The following WDR59 variants were observed in gnomAD, a reference collection of about 807,000 sequenced individuals.
WDR59 encodes WD repeat domain 59, also known as GATOR2 complex protein WDR59.
Under a neutral mutation model 131.2 loss-of-function variants are expected in WDR59, and 100 were observed. The observed-to-expected ratio is 0.76, with a 90% CI of 0.65 to 0.90. The LOEUF (loss-of-function observed/expected upper bound fraction) is 0.90, where lower values mean the gene tolerates loss of function less well. Ranked by LOEUF, WDR59 falls within the 40% of genes least tolerant of loss-of-function variation. The probability of loss-of-function intolerance (pLI) is 0.00; values close to 1 mark genes in which losing one functional copy is unlikely to be tolerated. For synonymous variants in WDR59, 601 were observed against 466.2 expected, an observed-to-expected ratio of 1.29 and a Z score of -3.72; for missense variants, 1,203 against 1,262.2, an observed-to-expected ratio of 0.95 and a Z score of 0.71.
chr16:74,959,412 C>T, intron 2 of WDR59: 4 of 361,860 alleles, frequency 1.1e-5, no homozygotes, highest in Non-Finnish European at 2.2e-5. Context: ...GCATTAGCAG[C>T]CAACGATCTC....
intron 1 of WDR59, among the ~76,000 whole-genome samples, chr16:74,969,988 A>G (rs984668724): frequency 6.6e-6 from 1 of 151,506 alleles, no homozygotes; most frequent in Non-Finnish European, 1.5e-5. Flanking sequence ...CAGTGGCTCA[A>G]TCTCAGCTCA....
intron 5 of WDR59, among the ~76,000 whole-genome samples, chr16:74,949,350 AAAAAG>A (rs1226594707): frequency 4.0e-4 from 59 of 148,848 alleles, no homozygotes; most frequent in African/African-American, 1.4e-3. Context: ...AAAAAAAAAA[AAAAAG>A]AAAGGAAAGA....
chr16:74,975,071 AG>A (rs1176384802), intron 1 of WDR59, among the ~76,000 whole-genome samples: 1 of 152,194 alleles, frequency 6.6e-6, no homozygotes, highest in African/African-American at 2.4e-5. Context: ...TTATGAATGA[AG>A]GAAGTCAGTC....
Position 74,974,354 on chromosome 16 carries a change from T to C in WDR59, c.55-8532A>G, listed in dbSNP as rs561138419. Among the ~76,000 whole-genome samples, 11 of 152,282 alleles carry C rather than the reference T, an allele frequency of 7.2e-5. No individual in the cohort carries two copies. In the East Asian group the frequency reaches 2.1e-3, roughly 29 times the overall value. On this transcript the variant is annotated intron_variant, in intron 1 of 25. Transcript: ENST00000262144. ...GAGGGCTATTTTGTCAGGCCAAGTGTGTTGCTTCCTTAGGCCAGTTTTCTA... is the reference window on the plus strand; with the variant it reads ...GAGGGCTATTTTGTCAGGCCAAGTGCGTTGCTTCCTTAGGCCAGTTTTCTA...
At chr16:74,905,712 A>T (rs1379729849) in intron 17 of WDR59, among the ~76,000 whole-genome samples, 1 of 151,096 alleles carries the variant, frequency 6.6e-6, no homozygotes, top group Non-Finnish European at 1.5e-5. Flanking sequence ...AAAAAATAAA[A>T]AAATAAAATA....
chr16:74,879,221 G>A lies in WDR59; in HGVS notation c.2690-4777C>T, dbSNP rs1964362673. 5.9e-5 allele frequency among the ~76,000 whole-genome samples: 9 copies of A among 152,214 alleles called. No individual in the cohort carries two copies. The South Asian group carries it at 1.9e-3, about 32-fold the overall frequency. On this transcript the variant is annotated intron_variant, in intron 25 of 25. Coordinates refer to ENST00000262144, the MANE Select transcript of WDR59 (RefSeq NM_030581.4). The stretch of plus-strand genomic sequence containing the variant: ...ATTTTTTTAAAAATTAGCCGGGCAT[G>A]ATGGTGTATGCCTGTGGTCCCAGCT...
intron 9 of WDR59, among the ~76,000 whole-genome samples, chr16:74,923,118 A>C (rs2145007865): frequency 6.6e-6 from 1 of 152,366 alleles, no homozygotes; most frequent in African/African-American, 2.4e-5. Context: ...TGTGAACTAC[A>C]GAATTGTATA....
chr16:74,950,016 C>A, intron 4 of WDR59: 1 of 593,070 alleles, frequency 1.7e-6, no homozygotes, highest in Non-Finnish European at 3.2e-6. Flanking sequence ...CATCTGCTCC[C>A]AGAAAAGAAA....
intron 25 of WDR59, among the ~76,000 whole-genome samples, chr16:74,876,770 C>T (rs1964235760): frequency 6.6e-6 from 1 of 152,084 alleles, no homozygotes. Flanking sequence ...AATGGCTCAG[C>T]GTATGAACCG....
At position 74,942,831 on chromosome 16, in the gene WDR59, A is replaced by G. The variant is rs1480892208; in HGVS notation, c.446-5T>C. ...ATTTGACCTGGGAGGCACCCGCTGCAAAGAAAAATCAGGGAAGAAAGCTGC... is the reference window on the plus strand; with the variant it reads ...ATTTGACCTGGGAGGCACCCGCTGCGAAGAAAAATCAGGGAAGAAAGCTGC... On this transcript the variant is annotated splice_region_variant and splice_polypyrimidine_tract_variant and intron_variant, in intron 6 of 25. Transcript: ENST00000262144. 6.2e-7 allele frequency: 1 copy of G among 1,613,332 alleles called. No individual in the cohort carries two copies. The highest frequency in any genetic ancestry group is 1.3e-5 in the African/African-American group (1 of 74,894).
At chr16:74,912,494 G>A in intron 13 of WDR59, 132 bp from the exon 14 acceptor site, 8 of 921,478 alleles carry the variant, frequency 8.7e-6, no homozygotes, top group Non-Finnish European at 1.2e-5. Flanking sequence ...ACAAATGTGT[G>A]TGGAAGACAA....
chr16:74,957,300 C>T (rs74485737), intron 2 of WDR59, among the ~76,000 whole-genome samples: 3 of 152,004 alleles, frequency 2.0e-5, no homozygotes, highest in Admixed American at 2.0e-4. Context: ...AGGCTGATCT[C>T]GAACTGCTGA....
At position 74,873,297 on chromosome 16, in the gene WDR59, T is replaced by G. The variant is rs1265095926; in HGVS notation, c.*912A>C. On this transcript the variant is annotated 3_prime_UTR_variant, in exon 26 of 26. Coordinates refer to ENST00000262144, the MANE Select transcript of WDR59 (RefSeq NM_030581.4). ...CTGAGCTCAGGTGATCCCCTCACTTTTGCCTTCTAAAGTGTGGGATTACAG... is the reference window on the plus strand; with the variant it reads ...CTGAGCTCAGGTGATCCCCTCACTTGTGCCTTCTAAAGTGTGGGATTACAG... The G allele has an allele frequency of 6.6e-6, 1 of 152,220 alleles. No homozygotes were observed. The highest frequency in any genetic ancestry group is 1.5e-5 in the Non-Finnish European group (1 of 68,092). 9.4% of individuals were successfully genotyped at this position (152,220 alleles called of 1,614,324 possible).
intron 14 of WDR59, among the ~76,000 whole-genome samples, chr16:74,911,513 T>C (rs559108448): frequency 1.3e-5 from 2 of 152,138 alleles, no homozygotes; most frequent in Non-Finnish European, 2.9e-5. Context: ...AAGAGGCTCA[T>C]GGGGCTTTGT....
intron 18 of WDR59, among the ~76,000 whole-genome samples, chr16:74,903,706 A>G (rs1412399540): frequency 6.6e-6 from 1 of 151,984 alleles, no homozygotes; most frequent in Non-Finnish European, 1.5e-5. Context: ...TTACAAGGAC[A>G]AGGCTAAATG....
At chr16:74,893,565 T>G in intron 19 of WDR59, 114 bp downstream of exon 19, 1 of 1,165,992 alleles carries the variant, frequency 8.6e-7, no homozygotes. Flanking sequence ...GCTAATACAT[T>G]GGGCTTTTCC....
chr16:74,892,037 T>G lies in WDR59; in HGVS notation c.2082+447A>C, dbSNP rs981086531. The stretch of plus-strand genomic sequence containing the variant: ...TTAAAAAAATACAGAGATAATTTGT[T>G]ATAATACACTGATATGTTGCTGCAA... On this transcript the variant is annotated intron_variant, in intron 20 of 25. Coordinates refer to ENST00000262144, the MANE Select transcript of WDR59 (RefSeq NM_030581.4). Among the ~76,000 whole-genome samples, 2 of 152,202 alleles carry G rather than the reference T, an allele frequency of 1.3e-5. 1 individual carries two copies. Among genetic ancestry groups the G allele is most frequent in the African/African-American group, 4.8e-5 (2 of 41,432 alleles).
intron 13 of WDR59, among the ~76,000 whole-genome samples, chr16:74,913,293 C>T (rs1324139981): frequency 2.0e-5 from 3 of 148,928 alleles, no homozygotes; most frequent in Non-Finnish European, 3.0e-5. Context: ...GAGACAGGGT[C>T]TCACTTTGTC....
At chr16:74,924,779 C>A (rs1406449712) in intron 8 of WDR59, among the ~76,000 whole-genome samples, 3 of 152,152 alleles carry the variant, frequency 2.0e-5, no homozygotes, top group South Asian at 2.1e-4. Flanking sequence ...CTCTGGAAAT[C>A]GCTATGGCAA....
Sources: gnomAD v4.1 joint callset for allele counts (sites outside exome capture counted in the v4.1 genomes callset) on GRCh38, gnomAD v4.1.1 for gene constraint, MANE v1.5 for transcripts, NCBI Gene and HGNC (gene_info 2026-07-23, HGNC 2026-07-21) for gene names.